FHIT: variants seen among roughly 807,000 people sequenced by gnomAD.
The protein encoded by FHIT is fragile histidine triad diadenosine triphosphatase, also known as bis(5'-adenosyl)-triphosphatase.
FHIT carries 19 observed loss-of-function variants against 17.9 expected under a neutral mutation model. That is an observed-to-expected ratio of 1.06 (90% confidence interval 0.74 to 1.56). The LOEUF is 1.56. FHIT is among the 40% of genes most tolerant of loss of function. The pLI, the probability that FHIT is intolerant of heterozygous loss-of-function variation, is 0.00. For missense variants in FHIT, 248 were observed against 189.2 expected (o/e 1.31, Z -1.82); for synonymous variants, 81 against 69.7 (o/e 1.16, Z -0.81).
chr3:60,368,442 A>G (rs1453665418), intron 5 of FHIT, among the ~76,000 whole-genome samples: 1 of 151,716 alleles, frequency 6.6e-6, no homozygotes, highest in Non-Finnish European at 1.5e-5. Flanking sequence ...ACATATATAT[A>G]AATATATTTA....
At chr3:60,761,618 CTTTT>C (rs71629113) in intron 4 of FHIT, among the ~76,000 whole-genome samples, 1 of 128,702 alleles carries the variant, frequency 7.8e-6, no homozygotes. Context: ...TCTTCCATGT[CTTTT>C]TTTTTTTTTT....
intron 3 of FHIT, among the ~76,000 whole-genome samples, chr3:61,039,721 G>A (rs1222189041): frequency 6.6e-6 from 1 of 152,118 alleles, no homozygotes; most frequent in Non-Finnish European, 1.5e-5. Flanking sequence ...GGAGTCTGCG[G>A]GGGTTAGCAT....
At chr3:59,786,050 C>A (rs1435337209) in intron 8 of FHIT, among the ~76,000 whole-genome samples, 1 of 152,154 alleles carries the variant, frequency 6.6e-6, no homozygotes, top group Non-Finnish European at 1.5e-5. Flanking sequence ...GCAGAATAAA[C>A]AAGACACCAG....
intron 4 of FHIT, among the ~76,000 whole-genome samples, chr3:60,682,438 A>G (rs966776740): frequency 1.3e-5 from 2 of 152,218 alleles, no homozygotes; most frequent in Non-Finnish European, 2.9e-5. Flanking sequence ...GTTGAAGCCA[A>G]TGCTCATTGA....
chr3:61,229,316 A>C (rs1217483428), intron 1 of FHIT, among the ~76,000 whole-genome samples: 3 of 152,214 alleles, frequency 2.0e-5, no homozygotes, highest in Admixed American at 2.0e-4. Context: ...ATGTGGGTGC[A>C]AGCCAAAGAA....
intron 4 of FHIT, among the ~76,000 whole-genome samples, chr3:60,538,712 T>C (rs372576180): frequency 6.6e-6 from 1 of 152,318 alleles, no homozygotes. Context: ...ATTTAACAAA[T>C]GGTACTGGGA....
chr3:60,924,054 G>A lies in FHIT; in HGVS notation c.-110-102043C>T, dbSNP rs192538753. Among the ~76,000 whole-genome samples the A allele has an allele frequency of 2.8e-3, 432 of 152,262 alleles. 3 individuals carry two copies. Among genetic ancestry groups the A allele is most frequent in the African/African-American group, 9.6e-3 (400 of 41,546 alleles). Reference sequence around the variant, plus strand: ...CGAGGCTTGAGTAGGTAAACAAAGCGGCCTGGAAGCTCGAACTCGGTGGAG... The same window carrying A: ...CGAGGCTTGAGTAGGTAAACAAAGCAGCCTGGAAGCTCGAACTCGGTGGAG... On this transcript the variant is annotated intron_variant, in intron 3 of 9. Coordinates refer to ENST00000492590, the MANE Select transcript of FHIT (RefSeq NM_002012.4).
At chr3:60,180,774 A>G (rs917537754) in intron 5 of FHIT, among the ~76,000 whole-genome samples, 11 of 152,158 alleles carry the variant, frequency 7.2e-5, no homozygotes, top group African/African-American at 1.7e-4. Context: ...AAATTTTGGA[A>G]TTTTAATCTG....
intron 4 of FHIT, among the ~76,000 whole-genome samples, chr3:60,821,545 T>A (rs2106769152): frequency 6.6e-6 from 1 of 152,270 alleles, no homozygotes; most frequent in African/African-American, 2.4e-5. Context: ...TGTAACTGTT[T>A]AACCTTACTT....
At chr3:60,829,593 C>T (rs1575575836) in intron 3 of FHIT, among the ~76,000 whole-genome samples, 1 of 152,128 alleles carries the variant, frequency 6.6e-6, no homozygotes, top group Admixed American at 6.5e-5. Flanking sequence ...AAAGAGATCT[C>T]AAGTTTCTTG....
At chr3:61,104,553 G>A (rs1463907585) in intron 2 of FHIT, among the ~76,000 whole-genome samples, 1 of 152,100 alleles carries the variant, frequency 6.6e-6, no homozygotes. Context: ...TTTTGGGGAT[G>A]ATCTTCTTGT....
intron 4 of FHIT, among the ~76,000 whole-genome samples, chr3:60,589,088 C>A (rs559955559): frequency 6.6e-6 from 1 of 152,094 alleles, no homozygotes; most frequent in South Asian, 2.1e-4. Flanking sequence ...GACTCAGCAA[C>A]AGGGTTATGT....
chr3:60,488,207 T>C (rs1209364441), intron 5 of FHIT, among the ~76,000 whole-genome samples: 1 of 152,186 alleles, frequency 6.6e-6, no homozygotes. Context: ...TCGACTCCTG[T>C]GATTGAGCTA....
intron 3 of FHIT, among the ~76,000 whole-genome samples, chr3:61,002,991 G>A (rs1474051847): frequency 6.6e-6 from 1 of 152,138 alleles, no homozygotes; most frequent in East Asian, 1.9e-4. Context: ...CTTTCTCAAG[G>A]TCTGGTGCAA....
At chr3:60,648,717 A>C (rs58336366) in intron 4 of FHIT, among the ~76,000 whole-genome samples, 5,136 of 152,282 alleles carry the variant, frequency 0.034, 301 homozygotes, top group African/African-American at 0.12. Context: ...AAGAGAGCTA[A>C]TGTGAGATGA....
At chr3:60,157,701 T>A (rs1162774675) in intron 5 of FHIT, among the ~76,000 whole-genome samples, 1 of 152,160 alleles carries the variant, frequency 6.6e-6, no homozygotes, top group African/African-American at 2.4e-5. Flanking sequence ...AATAAGTCCA[T>A]CATCTTCTCC....
At chr3:60,423,596 T>A (rs142329796) in intron 5 of FHIT, among the ~76,000 whole-genome samples, 71 of 152,290 alleles carry the variant, frequency 4.7e-4, no homozygotes, top group Non-Finnish European at 9.4e-4. Context: ...ATTCTTAAAG[T>A]TTAAGAATGA....
At chr3:60,010,161 G>C (rs1344831281) in intron 7 of FHIT, among the ~76,000 whole-genome samples, 1 of 152,184 alleles carries the variant, frequency 6.6e-6, no homozygotes, top group Non-Finnish European at 1.5e-5. Flanking sequence ...TTAAACATTT[G>C]TGTTTTGCAT....
At chr3:60,821,052 T>A (rs1344054520) in intron 4 of FHIT, among the ~76,000 whole-genome samples, 11 of 151,990 alleles carry the variant, frequency 7.2e-5, no homozygotes, top group Admixed American at 5.2e-4. Context: ...CTTAGCTCAC[T>A]GCAACCTCCA....
Sources: gnomAD v4.1 joint callset for allele counts (sites outside exome capture counted in the v4.1 genomes callset) on GRCh38, gnomAD v4.1.1 for gene constraint, MANE v1.5 for transcripts, NCBI Gene and HGNC (gene_info 2026-07-23, HGNC 2026-07-21) for gene names.